Variants in PIK3C2G observed in about 807,000 individuals in gnomAD.
The protein encoded by PIK3C2G is phosphatidylinositol-4-phosphate 3-kinase catalytic subunit type 2 gamma, also known as phosphatidylinositol 3-kinase C2 domain-containing subunit gamma.
PIK3C2G carries 168 observed loss-of-function variants against 181.1 expected under a neutral mutation model. The observed-to-expected ratio is 0.93, with a 90% CI of 0.82 to 1.05. PIK3C2G has a LOEUF of 1.05. Ranked by LOEUF, PIK3C2G falls within the 50% of genes least tolerant of loss-of-function variation. PIK3C2G has a pLI of 0.00. For synonymous variants in PIK3C2G, 573 were observed against 592.2 expected (o/e 0.97, Z 0.47); for missense variants, 1,869 against 1,732.8 (o/e 1.08, Z -1.40).
chr12:18,322,536 C>A (rs1200084768), intron 7 of PIK3C2G, among the ~76,000 whole-genome samples: 1 of 151,768 alleles, frequency 6.6e-6, no homozygotes. Flanking sequence ...TCATCTAATT[C>A]TTTCTAAAAC....
intron 24 of PIK3C2G, among the ~76,000 whole-genome samples, chr12:18,512,151 A>G (rs932232666): frequency 2.0e-5 from 3 of 151,970 alleles, no homozygotes; most frequent in African/African-American, 2.4e-5. Flanking sequence ...TGGGTTTTCT[A>G]TCTTGTTCCC....
intron 4 of PIK3C2G, among the ~76,000 whole-genome samples, chr12:18,291,287 T>C (rs1216908733): frequency 6.6e-6 from 1 of 152,222 alleles, no homozygotes; most frequent in Non-Finnish European, 1.5e-5. Context: ...GTTTTTAATA[T>C]ATTAAAAAAT....
chr12:18,568,658 T>A (rs1053542377), intron 29 of PIK3C2G, among the ~76,000 whole-genome samples: 1 of 152,140 alleles, frequency 6.6e-6, no homozygotes, highest in African/African-American at 2.4e-5. Flanking sequence ...ACTCAAACTC[T>A]GCCAATTTCA....
chr12:18,554,191 A>T (rs561740434), intron 26 of PIK3C2G, among the ~76,000 whole-genome samples: 3 of 152,162 alleles, frequency 2.0e-5, no homozygotes, highest in African/African-American at 7.2e-5. Context: ...TTGCATAATG[A>T]GCGCTCTTCC....
intron 18 of PIK3C2G, among the ~76,000 whole-genome samples, chr12:18,480,113 A>G (rs957944133): frequency 6.6e-6 from 1 of 152,136 alleles, no homozygotes; most frequent in Non-Finnish European, 1.5e-5. Flanking sequence ...GGAGAAAACC[A>G]AAATGAGCGA....
intron 24 of PIK3C2G, among the ~76,000 whole-genome samples, chr12:18,523,228 G>A (rs1321614201): frequency 6.6e-6 from 1 of 152,054 alleles, no homozygotes; most frequent in East Asian, 1.9e-4. Context: ...ACATTTCATA[G>A]TACTCCATTT....
intron 26 of PIK3C2G, 85 bp from the exon 27 acceptor site, chr12:18,562,618 G>T: frequency 1.2e-6 from 1 of 818,196 alleles, no homozygotes; most frequent in Non-Finnish European, 1.9e-6. Context: ...CCCTCATACT[G>T]ACAAACACAA....
Position 18,274,896 on chromosome 12 carries a change from A to T in PIK3C2G, c.-78-7108A>T, listed in dbSNP as rs774717368. Among the ~76,000 whole-genome samples the T allele has an allele frequency of 2.4e-4, 36 of 152,184 alleles. 1 individual carries two copies. Among genetic ancestry groups the T allele is most frequent in the Non-Finnish European group, 2.9e-5 (2 of 68,034 alleles). ...GTTGTCAGATCAGATAGCCATATTA[A>T]ACTGTCTTCAATATGTCCCTCATCT... On this transcript the variant is annotated intron_variant, in intron 1 of 32. Transcript: ENST00000538779.
chr12:18,286,899 G>A lies in PIK3C2G; in HGVS notation c.731G>A (p.Ser244Asn). The stretch of plus-strand genomic sequence containing the variant: ...GAAGTACCTCAAAGCAGCAATACGA[G>A]TCTGGCCTCTTTTTGCAACAAAGTA... ...LVEVPQSSNT[S>N]LASFCNKVKK... Residue 244 changes from serine to asparagine, a missense_variant, in exon 3 of 33, where the codon AGT becomes AAT. By Grantham distance (46) the Ser-to-Asn change is conservative. Transcript: ENST00000538779. 2 of 1,573,844 alleles carry A rather than the reference G, an allele frequency of 1.3e-6. No homozygotes were observed. The highest frequency in any genetic ancestry group is 8.6e-7 in the Non-Finnish European group (1 of 1,159,400).
Position 18,488,468 on chromosome 12 carries a change from A to C in PIK3C2G, c.2524A>C (p.Asn842His), listed in dbSNP as rs1291396271. 1.3e-6 allele frequency: 2 copies of C among 1,530,324 alleles called. No homozygotes were observed. The highest frequency in any genetic ancestry group is 2.5e-5 in the South Asian group (2 of 78,524). 94.8% of individuals were successfully genotyped at this position (1,530,324 alleles called of 1,614,324 possible). A position where few individuals can be genotyped will look rare whatever the true frequency, so the allele number is the denominator to read the frequency against. The change falls in exon 19 of 33, where the codon AAT becomes CAT. Residue 842 changes from asparagine to histidine, a missense_variant. Asn to His is a moderately conservative substitution (Grantham distance 68). Transcript: ENST00000538779. ...RLYWLLKNAE[N>H]EAYFKSWYQK... ...CTTCAGGCTGCTAAAAAATGCAGAA[A>C]ATGAAGCTTATTTTAAAAGCTGGTA... is the stretch of plus-strand genomic sequence containing the variant.
intron 20 of PIK3C2G, among the ~76,000 whole-genome samples, chr12:18,494,542 C>T (rs1369765014): frequency 6.6e-6 from 1 of 151,928 alleles, no homozygotes; most frequent in Non-Finnish European, 1.5e-5. Flanking sequence ...ATATATACCG[C>T]ACATGAAAAC....
chr12:18,685,520 A>T, the PIK3C2G span: 1 of 288,352 alleles, frequency 3.5e-6, no homozygotes, highest in Middle Eastern at 4.3e-4. Flanking sequence ...ATTTCTAATT[A>T]TACTATATCT....
rs79175948 is a variant in PIK3C2G, at chr12:18,336,452, T to G, written c.1273-1974T>G. Among the ~76,000 whole-genome samples the G allele has an allele frequency of 1.0e-3, 152 of 152,270 alleles. 1 individual carries two copies. The East Asian group carries it at 0.02, about 20-fold the overall frequency. On this transcript the variant is annotated intron_variant, in intron 8 of 32. Coordinates refer to ENST00000538779, the MANE Select transcript of PIK3C2G (RefSeq NM_001288772.2). ...TGGTAATTTCCAATTTGTTTAGTAC[T>G]TTCTCAAATCTAGTACCCAAACTAA...
chr12:18,321,323 G>A (rs1355848665), intron 7 of PIK3C2G, among the ~76,000 whole-genome samples: 1 of 152,074 alleles, frequency 6.6e-6, no homozygotes, highest in East Asian at 1.9e-4. Context: ...TTGTGATTTT[G>A]GGTTTGCATA....
intron 1 of PIK3C2G, among the ~76,000 whole-genome samples, chr12:18,265,914 T>C (rs1014831633): frequency 2.7e-5 from 4 of 147,320 alleles, no homozygotes; most frequent in African/African-American, 1.0e-4. Context: ...CTCAGGAGGC[T>C]GAGGCAGAAG....
At chr12:18,546,461 G>A in intron 26 of PIK3C2G, 29 bp downstream of exon 26, 2 of 1,186,064 alleles carry the variant, frequency 1.7e-6, no homozygotes, top group Non-Finnish European at 2.5e-6. Flanking sequence ...GTGTGAGCAT[G>A]CATGCATGAA....
intron 18 of PIK3C2G, among the ~76,000 whole-genome samples, chr12:18,472,467 C>T (rs1304012600): frequency 6.6e-6 from 1 of 152,106 alleles, no homozygotes; most frequent in Non-Finnish European, 1.5e-5. Flanking sequence ...TCTCCCTACT[C>T]CCAACTATAA....
At chr12:18,268,333 G>T (rs1386930464) in intron 1 of PIK3C2G, among the ~76,000 whole-genome samples, 1 of 152,076 alleles carries the variant, frequency 6.6e-6, no homozygotes, top group Non-Finnish European at 1.5e-5. Flanking sequence ...TTACCAGCCA[G>T]ATACCATTCT....
intron 29 of PIK3C2G, among the ~76,000 whole-genome samples, chr12:18,577,613 A>G (rs1946299115): frequency 6.6e-6 from 1 of 152,194 alleles, no homozygotes; most frequent in African/African-American, 2.4e-5. Flanking sequence ...AGAATATTTC[A>G]GCCATCTTCT....
Sources: gnomAD v4.1 joint callset for allele counts (sites outside exome capture counted in the v4.1 genomes callset) on GRCh38, gnomAD v4.1.1 for gene constraint, MANE v1.5 for transcripts, NCBI Gene and HGNC (gene_info 2026-07-23, HGNC 2026-07-21) for gene names.